The following CSMD1 variants were observed in gnomAD, a reference collection of about 807,000 sequenced individuals.
CSMD1 encodes CUB and Sushi multiple domains 1.
Under a neutral mutation model 417.5 loss-of-function variants are expected in CSMD1, and 213 were observed. The observed-to-expected ratio is 0.51, with a 90% confidence interval of 0.46 to 0.57. The LOEUF (loss-of-function observed/expected upper bound fraction) is 0.57, where lower values mean the gene tolerates loss of function less well. Among genes scored for constraint, CSMD1 ranks in the 20% least tolerant of loss-of-function variants. The pLI, the probability that CSMD1 is intolerant of heterozygous loss-of-function variation, is 0.00. For missense variants in CSMD1, 6,923 were observed against 4,529.7 expected (o/e 1.53, Z -15.17); for synonymous variants, 2,862 against 1,736.8 (o/e 1.65, Z -16.11).
At chr8:3,649,447 G>A (rs944967404) in intron 7 of CSMD1, among the ~76,000 whole-genome samples, 2 of 152,166 alleles carry the variant, frequency 1.3e-5, no homozygotes, top group Non-Finnish European at 2.9e-5. Flanking sequence ...TTATCAAGAG[G>A]CTGAATTGAC....
chr8:3,980,508 T>A (rs994185348), intron 5 of CSMD1, among the ~76,000 whole-genome samples: 1 of 151,302 alleles, frequency 6.6e-6, no homozygotes, highest in Non-Finnish European at 1.5e-5. Context: ...CGTCTCTGCT[T>A]CTATGTTGTT....
intron 3 of CSMD1, among the ~76,000 whole-genome samples, chr8:4,259,719 C>T (rs762049289): frequency 4.6e-5 from 7 of 151,866 alleles, no homozygotes; most frequent in Non-Finnish European, 8.8e-5. Context: ...AATAATTTTG[C>T]CACAAATATA....
Position 4,334,062 on chromosome 8 carries a change from T to TATGATG in CSMD1, c.415+85885_415+85890dup, listed in dbSNP as rs560964262. 2.5e-4 allele frequency among the ~76,000 whole-genome samples: 38 copies of TATGATG among 151,578 alleles called. 1 individual carries two copies. The East Asian group carries it at 4.7e-3, about 19-fold the overall frequency. On this transcript the variant is annotated intron_variant, in intron 3 of 69. Coordinates refer to ENST00000635120, the MANE Select transcript of CSMD1 (RefSeq NM_033225.6). ...CCCACCACAACATCGTTTCATTAAT[T>TATGATG]ATGATGATGATGATGATGATGATGA...
chr8:3,355,937 A>G (rs1304294902), intron 21 of CSMD1, among the ~76,000 whole-genome samples: 1 of 152,214 alleles, frequency 6.6e-6, no homozygotes, highest in Non-Finnish European at 1.5e-5. Flanking sequence ...AATACATGAT[A>G]CTATTTCTAT....
chr8:3,119,218 G>A (rs989459177), intron 41 of CSMD1, among the ~76,000 whole-genome samples: 3 of 151,522 alleles, frequency 2.0e-5, no homozygotes, highest in Admixed American at 6.6e-5. Flanking sequence ...ATAATAAAAG[G>A]AGCCTACAAA....
chr8:4,384,837 G>C (rs1055270290), intron 3 of CSMD1, among the ~76,000 whole-genome samples: 1 of 152,174 alleles, frequency 6.6e-6, no homozygotes, highest in Admixed American at 6.5e-5. Context: ...TTTGAGTAGA[G>C]AAAGAGGCTA....
At chr8:3,848,060 T>C (rs1256547152) in intron 5 of CSMD1, among the ~76,000 whole-genome samples, 1 of 144,980 alleles carries the variant, frequency 6.9e-6, no homozygotes, top group South Asian at 2.2e-4. Context: ...CTTACCATCC[T>C]GGTGATATTT....
At chr8:4,562,942 T>G (rs1798415641) in intron 2 of CSMD1, among the ~76,000 whole-genome samples, 1 of 152,206 alleles carries the variant, frequency 6.6e-6, no homozygotes, top group Non-Finnish European at 1.5e-5. Flanking sequence ...CTCTACTTTC[T>G]TAAACAGAAG....
chr8:3,010,847 G>A (rs976175048), intron 52 of CSMD1, among the ~76,000 whole-genome samples: 6 of 151,066 alleles, frequency 4.0e-5, no homozygotes, highest in Non-Finnish European at 7.4e-5. Context: ...GGGTTCACGC[G>A]ATTCTCCTGC....
At chr8:4,318,419 G>T (rs1799063024) in intron 3 of CSMD1, among the ~76,000 whole-genome samples, 1 of 152,054 alleles carries the variant, frequency 6.6e-6, no homozygotes, top group South Asian at 2.1e-4. Flanking sequence ...GTGTGTGTGA[G>T]AAAGAGTAAT....
intron 33 of CSMD1, among the ~76,000 whole-genome samples, chr8:3,193,802 T>A (rs1394716721): frequency 6.6e-6 from 1 of 152,154 alleles, no homozygotes; most frequent in Non-Finnish European, 1.5e-5. Flanking sequence ...CGCAAATGTG[T>A]GCTCATCTGT....
At chr8:4,893,307 TGTAGA>T (rs1315135784) in intron 1 of CSMD1, among the ~76,000 whole-genome samples, 7 of 152,160 alleles carry the variant, frequency 4.6e-5, no homozygotes, top group African/African-American at 7.2e-5. Context: ...TTATATATTC[TGTAGA>T]GTAATCCATT....
chr8:4,103,263 C>CGTT (rs1184460582), intron 3 of CSMD1, among the ~76,000 whole-genome samples: 7 of 5,494 alleles, frequency 1.3e-3, no homozygotes, highest in African/African-American at 2.6e-3. Flanking sequence ...TGTATACATA[C>CGTT]ATTATATATA....
At chr8:4,046,189 C>T (rs540486392) in intron 3 of CSMD1, among the ~76,000 whole-genome samples, 1 of 151,716 alleles carries the variant, frequency 6.6e-6, no homozygotes, top group South Asian at 2.1e-4. Context: ...TGTATGTGTG[C>T]GTGTGTGTGT....
intron 1 of CSMD1, among the ~76,000 whole-genome samples, chr8:4,867,133 C>G (rs907642815): frequency 6.6e-6 from 1 of 152,028 alleles, no homozygotes; most frequent in African/African-American, 2.4e-5. Flanking sequence ...GAACTACACA[C>G]ATATTATTTA....
chr8:4,078,892 AATAAATAT>A (rs1289930316), intron 3 of CSMD1, among the ~76,000 whole-genome samples: 9 of 91,706 alleles, frequency 9.8e-5, no homozygotes, highest in African/African-American at 4.8e-4. Flanking sequence ...TAATAATAAT[AATAAATAT>A]ATATATATAT....
intron 10 of CSMD1, among the ~76,000 whole-genome samples, chr8:3,555,247 A>G (rs1016146943): frequency 6.6e-6 from 1 of 152,064 alleles, no homozygotes; most frequent in African/African-American, 2.4e-5. Context: ...GTGACAGGGC[A>G]TTTAGCTAGG....
chr8:4,327,934 C>T (rs2134952), intron 3 of CSMD1, among the ~76,000 whole-genome samples: 144,258 of 152,210 alleles, frequency 0.95, 68,752 homozygotes, highest in East Asian at 1. Flanking sequence ...ACATAATTGG[C>T]ACATTTTCCA....
intron 7 of CSMD1, among the ~76,000 whole-genome samples, chr8:3,688,474 C>T (rs935924535): frequency 1.3e-5 from 2 of 152,148 alleles, no homozygotes; most frequent in African/African-American, 2.4e-5. Flanking sequence ...TGTCTCTGTT[C>T]CCTAATGTCA....
Sources: gnomAD v4.1 joint callset for allele counts (sites outside exome capture counted in the v4.1 genomes callset) on GRCh38, gnomAD v4.1.1 for gene constraint, MANE v1.5 for transcripts, NCBI Gene and HGNC (gene_info 2026-07-23, HGNC 2026-07-21) for gene names.